NID2: variants seen among roughly 807,000 people sequenced by gnomAD.
The protein encoded by NID2 is nidogen 2, also known as nidogen-2.
Under a neutral mutation model 145.4 loss-of-function variants are expected in NID2, and 83 were observed. That is an observed-to-expected ratio of 0.57 (90% CI 0.48 to 0.69). The LOEUF is 0.69. Among genes scored for constraint, NID2 ranks in the 30% least tolerant of loss-of-function variants. The pLI is 0.00. For missense variants in NID2, 1,807 were observed against 1,765.7 expected (o/e 1.02, Z -0.42); for synonymous variants, 739 against 701.3 (o/e 1.05, Z -0.85).
At chr14:52,043,445 C>T (rs1343754460) in intron 5 of NID2, among the ~76,000 whole-genome samples, 1 of 152,140 alleles carries the variant, frequency 6.6e-6, no homozygotes, top group African/African-American at 2.4e-5. Flanking sequence ...TCTTAAAGAA[C>T]ACACGCACCT....
chr14:52,038,992 G>A lies in NID2; in HGVS notation c.2027-15C>T, dbSNP rs754128118. On this transcript the variant is annotated splice_polypyrimidine_tract_variant and intron_variant, in intron 8 of 21. Coordinates refer to ENST00000216286, the MANE Select transcript of NID2 (RefSeq NM_007361.4). ...AGAGGTCACAGCTGCAACAAACACAGTGGTAATTTTTTAAAAATATTAAAT... is the reference window on the plus strand; with the variant it reads ...AGAGGTCACAGCTGCAACAAACACAATGGTAATTTTTTAAAAATATTAAAT... 1 of 1,546,050 alleles carries A rather than the reference G, an allele frequency of 6.5e-7. No homozygotes were observed. The highest frequency in any genetic ancestry group is 8.8e-7 in the Non-Finnish European group (1 of 1,137,714).
At chr14:52,007,631 A>G in intron 19 of NID2, 179 bp downstream of exon 19, 1 of 631,976 alleles carries the variant, frequency 1.6e-6, no homozygotes, top group South Asian at 2.0e-5. Flanking sequence ...CTCCACCCAA[A>G]CCCCAGAAAG....
chr14:52,041,693 T>C (rs1031994884), intron 7 of NID2, among the ~76,000 whole-genome samples: 1 of 152,086 alleles, frequency 6.6e-6, no homozygotes, highest in Non-Finnish European at 1.5e-5. Flanking sequence ...GCCTATACTA[T>C]TATAGGTTGT....
chr14:52,032,859 T>C (rs1337833843), intron 9 of NID2, among the ~76,000 whole-genome samples: 3 of 151,342 alleles, frequency 2.0e-5, no homozygotes, highest in South Asian at 2.1e-4. Flanking sequence ...CAGGATATAT[T>C]ATCCTACCTA....
At chr14:52,039,040 G>C in intron 8 of NID2, 63 bp from the exon 9 acceptor site, 1 of 1,183,870 alleles carries the variant, frequency 8.4e-7, no homozygotes, top group Non-Finnish European at 1.2e-6. Context: ...ATGTGAGGTG[G>C]ATTTTTCTGC....
Position 52,006,528 on chromosome 14 carries a change from G to A in NID2, c.4004+9C>T, listed in dbSNP as rs1334848607. The A allele has an allele frequency of 2.5e-6, 4 of 1,613,208 alleles. No homozygotes were observed. The highest frequency in any genetic ancestry group is 3.4e-6 in the Non-Finnish European group (4 of 1,179,400). ...CTTTTCAGGCTTGTCCAGAATTTGTGGGGCTCACCTCCTCCAGTCTGTGTG... is the reference window on the plus strand; with the variant it reads ...CTTTTCAGGCTTGTCCAGAATTTGTAGGGCTCACCTCCTCCAGTCTGTGTG... On this transcript the variant is annotated intron_variant, in intron 20 of 21. Coordinates refer to ENST00000216286, the MANE Select transcript of NID2 (RefSeq NM_007361.4).
chr14:52,005,633 A>G (rs555106732), intron 21 of NID2, 104 bp downstream of exon 21: 5 of 1,373,542 alleles, frequency 3.6e-6, no homozygotes, highest in Non-Finnish European at 5.2e-6. Context: ...GGCAGGAAGA[A>G]GGCAATGGTG....
At chr14:52,007,368 A>G (rs1019814033) in intron 19 of NID2, 1 of 182,396 alleles carries the variant, frequency 5.5e-6, no homozygotes, top group African/African-American at 2.4e-5. Flanking sequence ...TGCTGATAAA[A>G]GCAAACAAAT....
chr14:52,007,453 A>T (rs1371113477), intron 19 of NID2: 1 of 266,666 alleles, frequency 3.8e-6, no homozygotes, highest in South Asian at 4.1e-5. Flanking sequence ...TGTCCTTAGC[A>T]TTATAACAGA....
intron 14 of NID2, 130 bp downstream of exon 14, chr14:52,018,931 C>G (rs1891307605): frequency 1.5e-6 from 1 of 655,224 alleles, no homozygotes; most frequent in Admixed American, 2.5e-5. Flanking sequence ...CACTATTATT[C>G]AAGTCTTCTC....
chr14:52,006,710 A>ATGATAGTGACATAG (rs1381564230), intron 19 of NID2, 50 bp from the exon 20 acceptor site: 2 of 1,603,588 alleles, frequency 1.2e-6, no homozygotes, highest in East Asian at 2.2e-5. Flanking sequence ...TTTGCCAAAA[A>ATGATAGTGACATAG]TGATAGTGAC....
chr14:52,020,221 G>A (rs1182478602), intron 12 of NID2, 43 bp from the exon 13 acceptor site: 1 of 1,609,698 alleles, frequency 6.2e-7, no homozygotes, highest in East Asian at 2.2e-5. Flanking sequence ...AGAACACTAT[G>A]ACTTCACTCA....
At position 52,014,469 on chromosome 14, in the gene NID2, G is replaced by GGGT; in HGVS notation, c.3251-16_3251-14dup. The GGGT allele has an allele frequency of 1.3e-6, 2 of 1,595,288 alleles. No individual in the cohort carries two copies. The highest frequency in any genetic ancestry group is 1.7e-6 in the Non-Finnish European group (2 of 1,168,864). On this transcript the variant is annotated splice_polypyrimidine_tract_variant and intron_variant, in intron 15 of 21. Transcript: ENST00000216286. ...ACGGTGGGTATACCTGTGGGAGAGA[G>GGGT]GGTGGGAGAGCAGGAAGGGGAACAA... is the stretch of plus-strand genomic sequence containing the variant.
chr14:52,022,940 C>T (rs1891453594), intron 12 of NID2, among the ~76,000 whole-genome samples: 1 of 152,172 alleles, frequency 6.6e-6, no homozygotes, highest in Admixed American at 6.5e-5. Context: ...ACCCACAGGT[C>T]CCACTCTCTC....
At position 52,005,803 on chromosome 14, in the gene NID2, C is replaced by G. The variant is rs181966229; in HGVS notation, c.4051G>C (p.Glu1351Gln). 159 of 1,613,898 alleles carry G rather than the reference C, an allele frequency of 9.9e-5. No homozygotes were observed. The highest frequency in any genetic ancestry group is 1.2e-4 in the Non-Finnish European group (147 of 1,179,778). Residue 1351 changes from glutamate (E) to glutamine (Q), a missense_variant, in exon 21 of 22, where the codon GAG becomes CAG. Glu to Gln is a conservative substitution (Grantham distance 29, BLOSUM62 2). Transcript: ENST00000216286. ...TGAGATCGTTGTTCTGGGAGATACT[C>G]ATCAGTAAACTGGCCACTATGTTTA... The part of the protein sequence containing the change: ...VNKHSGQFTD[E>Q]YLPEQRSHLY...
At chr14:52,054,802 G>T (rs1892795706) in intron 3 of NID2, among the ~76,000 whole-genome samples, 1 of 152,206 alleles carries the variant, frequency 6.6e-6, no homozygotes. Flanking sequence ...GGTAACTAAA[G>T]GGATCATACT....
chr14:52,035,076 A>G (rs1482412924), intron 9 of NID2, among the ~76,000 whole-genome samples: 3 of 152,150 alleles, frequency 2.0e-5, no homozygotes, highest in African/African-American at 7.2e-5. Flanking sequence ...AACATTGTGC[A>G]TTAGTGTGGT....
Position 52,005,781 on chromosome 14 carries a change from G to C in NID2, c.4073C>G (p.Ser1358Cys). The C allele has an allele frequency of 6.2e-7, 1 of 1,613,924 alleles. No individual in the cohort carries two copies. Among genetic ancestry groups the C allele is most frequent in the Non-Finnish European group, 8.5e-7 (1 of 1,179,810 alleles). ...GACTGCAGTTATCCCGTAGAGGTGA[G>C]ATCGTTGTTCTGGGAGATACTCATC... ...FTDEYLPEQRSHLYGITAVYP... is the reference protein window; with the variant it reads ...FTDEYLPEQRCHLYGITAVYP... Residue 1358 changes from serine to cysteine, a missense_variant, in exon 21 of 22, where the codon TCT becomes TGT. Physicochemically the swap from Ser to Cys is moderately radical, Grantham distance 112. Transcript: ENST00000216286.
intron 3 of NID2, among the ~76,000 whole-genome samples, chr14:52,055,648 T>C (rs925240552): frequency 9.9e-5 from 15 of 152,160 alleles, no homozygotes; most frequent in Admixed American, 6.5e-5. Context: ...TCTAAAAATA[T>C]GGGAAAACTT....
Sources: allele counts gnomAD v4.1 joint callset (sites outside exome capture counted in the v4.1 genomes callset), GRCh38; gene constraint gnomAD v4.1.1; transcripts MANE v1.5; gene names NCBI Gene and HGNC (gene_info 2026-07-23, HGNC 2026-07-21).